METTL4: variants seen among roughly 807,000 people sequenced by gnomAD.
METTL4 encodes the protein methyltransferase 4, N6-adenosine, also known as N(6)-adenine-specific methyltransferase METTL4.
In METTL4, 40 loss-of-function variants were observed where a neutral mutation model predicts 54.0. The ratio of observed to expected loss-of-function variants is 0.74; its 90% CI spans 0.58 to 0.96. METTL4 has a LOEUF of 0.96. Ranked by LOEUF, METTL4 falls within the 50% of genes least tolerant of loss-of-function variation. The probability of loss-of-function intolerance (pLI) is 0.00; values close to 1 mark genes in which losing one functional copy is unlikely to be tolerated. For missense variants in METTL4, 525 were observed against 549.0 expected (o/e 0.96, Z 0.44); for synonymous variants, 169 against 183.8 (o/e 0.92, Z 0.65).
At chr18:2,566,790 AG>A in intron 2 of METTL4, 30 bp downstream of exon 2, 1 of 1,460,776 alleles carries the variant, frequency 6.8e-7, no homozygotes, top group Admixed American at 2.3e-5. Context: ...TGTTTTCTGG[AG>A]AAAAATAAAT....
chr18:2,544,138 T>A, intron 8 of METTL4, 57 bp downstream of exon 8: 3 of 1,367,014 alleles, frequency 2.2e-6, no homozygotes, highest in Non-Finnish European at 2.1e-6. Flanking sequence ...ATACTAAATG[T>A]ACACTTTTTT....
chr18:2,555,960 G>T (rs1235564068), intron 3 of METTL4, among the ~76,000 whole-genome samples: 1 of 152,148 alleles, frequency 6.6e-6, no homozygotes, highest in African/African-American at 2.4e-5. Context: ...CCCAGGCACA[G>T]GGAAGACACA....
At chr18:2,556,103 C>T (rs530567752) in intron 3 of METTL4, among the ~76,000 whole-genome samples, 149 of 152,036 alleles carry the variant, frequency 9.8e-4, no homozygotes, top group African/African-American at 3.2e-3. Context: ...GAATTCCAGC[C>T]GAGTCACGAT....
intron 4 of METTL4, 84 bp from the exon 5 acceptor site, chr18:2,552,848 A>G: frequency 1.2e-6 from 1 of 834,044 alleles, no homozygotes; most frequent in Non-Finnish European, 2.0e-6. Context: ...AACTCAAGTG[A>G]TTTCACTACG....
intron 1 of METTL4, 129 bp downstream of exon 1, chr18:2,571,019 AG>A (rs1567989837): frequency 6.6e-6 from 1 of 152,180 alleles, no homozygotes; most frequent in African/African-American, 2.4e-5. Flanking sequence ...AGCCTCTCAC[AG>A]GTCAGCCACC....
In METTL4 at chr18:2,538,787, A is replaced by T; in HGVS notation, c.*213T>A. The T allele has an allele frequency of 1.9e-6, 1 of 530,200 alleles. No homozygotes were observed. The highest frequency in any genetic ancestry group is 3.3e-6 in the Non-Finnish European group (1 of 301,952). The allele number at this position is 530,200 out of a possible 1,614,324, so 32.8% of individuals were successfully genotyped here. On this transcript the variant is annotated 3_prime_UTR_variant, in exon 9 of 9. Coordinates refer to ENST00000574538, the MANE Select transcript of METTL4 (RefSeq NM_022840.5). ...TAACTGCTTACCACTTAATTTGTAT[A>T]GTCTAGAATAACATAGAATGTTAGT...
At position 2,538,180 on chromosome 18, in the gene METTL4, A is replaced by G. The variant is rs1200462862; in HGVS notation, c.*820T>C. ...TTTATTTGTAGAAAATCTATAAATAATATTTTTTTCACAATCACACTGTTT... is the reference window on the plus strand; with the variant it reads ...TTTATTTGTAGAAAATCTATAAATAGTATTTTTTTCACAATCACACTGTTT... On this transcript the variant is annotated 3_prime_UTR_variant, in exon 9 of 9. Transcript: ENST00000574538. 2.8e-6 allele frequency: 1 copy of G among 357,146 alleles called. No homozygotes were observed. The highest frequency in any genetic ancestry group is 4.1e-5 in the East Asian group (1 of 24,198). The allele number at this position is 357,146 out of a possible 1,614,324, so 22.1% of individuals were successfully genotyped here. A position where few individuals can be genotyped will look rare whatever the true frequency, so the allele number is the denominator to read the frequency against.
rs375194837 is a variant in METTL4 at position 2,569,699 on chromosome 18, C to G, written c.-439+1450G>C. The stretch of plus-strand genomic sequence containing the variant: ...GATCATAAGCCCTCTGCTCCGCTCC[C>G]CTCTGAGATTCGCCTTCCATGAGGA... On this transcript the variant is annotated intron_variant, in intron 1 of 8. Transcript: ENST00000574538. Among the ~76,000 whole-genome samples, 96 of 152,346 alleles carry G rather than the reference C, an allele frequency of 6.3e-4. 1 individual carries two copies. The South Asian group carries it at 0.018, about 29-fold the overall frequency.
At chr18:2,553,717 G>A (rs571913219) in intron 4 of METTL4, 1 of 151,996 alleles carries the variant, frequency 6.6e-6, no homozygotes, top group Non-Finnish European at 1.5e-5. Context: ...ATAAACATAG[G>A]TATATTTTTG....
In METTL4 at chr18:2,544,275, A is replaced by C; in HGVS notation, c.1193T>G (p.Val398Gly). 3 of 1,611,586 alleles carry C rather than the reference A, an allele frequency of 1.9e-6. No homozygotes were observed. Among genetic ancestry groups the C allele is most frequent in the Non-Finnish European group, 2.5e-6 (3 of 1,178,700 alleles). Residue 398 changes from valine to glycine, a missense_variant, in exon 8 of 9, where the codon GTA (valine) becomes GGA (glycine). By Grantham distance (109) the Val-to-Gly change is moderately radical. Coordinates refer to ENST00000574538, the MANE Select transcript of METTL4 (RefSeq NM_022840.5). ...KTALPLRNAD[V>G]NVLPIPDHKL... ...GTGGTCTGGAATGGGGAGCACGTTTACATCTGCATTCCTAATTAAACAGAA... is the reference window on the plus strand; with the variant it reads ...GTGGTCTGGAATGGGGAGCACGTTTCCATCTGCATTCCTAATTAAACAGAA...
intron 2 of METTL4, among the ~76,000 whole-genome samples, chr18:2,565,498 T>C (rs944902480): frequency 5.3e-5 from 8 of 151,998 alleles, no homozygotes; most frequent in African/African-American, 1.9e-4. Flanking sequence ...ACCTGTGAAC[T>C]TAAAAATTAA....
rs2072421957 is a variant in METTL4, at chr18:2,566,643, T to G, written c.396+178A>C. 2.6e-5 allele frequency: 10 copies of G among 386,760 alleles called. No individual in the cohort carries two copies. The East Asian group carries it at 4.3e-4, about 17-fold the overall frequency. 24.0% of individuals were successfully genotyped at this position (386,760 alleles called of 1,614,324 possible). A position where few individuals can be genotyped will look rare whatever the true frequency, so the allele number is the denominator to read the frequency against. On this transcript the variant is annotated intron_variant, in intron 2 of 8. Transcript: ENST00000574538. ...TTTTGAAATACTATGCAATTTGGTC[T>G]TCTAAGAATAGTTGAAGCTAGAAAA...
At position 2,566,964 on chromosome 18, in the gene METTL4, T is replaced by C. The variant is rs1199452577; in HGVS notation, c.253A>G (p.Lys85Glu). Residue 85 changes from lysine to glutamate, a missense_variant, in exon 2 of 9, where the codon AAA becomes GAA. Transcript: ENST00000574538. ...DGGNYEMFTR[K>E]FVFRPELFDV... ...AACAGTTCAGGTCGAAAAACAAATT[T>C]TCGTGTGAACATTTCATAATTTCCT... 6.2e-7 allele frequency: 1 copy of C among 1,614,142 alleles called. No individual in the cohort carries two copies. The highest frequency in any genetic ancestry group is 1.3e-5 in the African/African-American group (1 of 75,052).
chr18:2,553,469 G>C (rs181605176), intron 4 of METTL4: 2 of 152,302 alleles, frequency 1.3e-5, no homozygotes, highest in East Asian at 3.9e-4. Context: ...GGATGTTAAA[G>C]AGTCTTTGGT....
In METTL4 at chr18:2,544,257, G is replaced by A; in HGVS notation, c.1211C>T (p.Pro404Leu). 6.2e-7 allele frequency: 1 copy of A among 1,613,114 alleles called. No homozygotes were observed. ...CACGCTGACAATTAATTTGTGGTCT[G>A]GAATGGGGAGCACGTTTACATCTGC... ...RNADVNVLPI[P>L]DHKLIVSVPC... The change falls in exon 8 of 9, where the codon CCA (proline) becomes CTA (leucine). Residue 404 changes from proline (P) to leucine (L), a missense_variant. Pro to Leu is a moderately conservative substitution (Grantham distance 98). Coordinates refer to ENST00000574538, the MANE Select transcript of METTL4 (RefSeq NM_022840.5).
At chr18:2,559,785 G>A (rs1406096439) in intron 3 of METTL4, among the ~76,000 whole-genome samples, 3 of 152,186 alleles carry the variant, frequency 2.0e-5, no homozygotes, top group African/African-American at 4.8e-5. Context: ...ACCCAGGCTA[G>A]AATGGAGTGG....
chr18:2,544,604 G>C (rs756443892), intron 7 of METTL4, 49 bp downstream of exon 7: 10 of 1,154,258 alleles, frequency 8.7e-6, no homozygotes, highest in Non-Finnish European at 1.0e-5. Flanking sequence ...ATTTTTAAAA[G>C]CGTAAAAATT....
At chr18:2,559,002 G>A (rs1383556238) in intron 3 of METTL4, among the ~76,000 whole-genome samples, 1 of 152,186 alleles carries the variant, frequency 6.6e-6, no homozygotes, top group Non-Finnish European at 1.5e-5. Context: ...TGGAGCCCTT[G>A]GGTATTGCTG....
At chr18:2,546,203 C>A (rs181976188) in intron 6 of METTL4, among the ~76,000 whole-genome samples, 3 of 152,134 alleles carry the variant, frequency 2.0e-5, no homozygotes, top group East Asian at 3.9e-4. Flanking sequence ...CCCCCTTATC[C>A]ACAGTTTCAC....
Sources: allele counts gnomAD v4.1 joint callset (sites outside exome capture counted in the v4.1 genomes callset), GRCh38; gene constraint gnomAD v4.1.1; transcripts MANE v1.5; gene names NCBI Gene and HGNC (gene_info 2026-07-23, HGNC 2026-07-21).